PRKAR1A: variants seen among roughly 807,000 people sequenced by gnomAD.
The protein encoded by PRKAR1A is cAMP-dependent protein kinase type I-alpha regulatory subunit.
Under a neutral mutation model 52.0 loss-of-function variants are expected in PRKAR1A, and 3 were observed. That is an observed-to-expected ratio of 0.06 (90% CI 0.03 to 0.15). The LOEUF is 0.15. Ranked by LOEUF, PRKAR1A falls within the 10% of genes least tolerant of loss-of-function variation. The pLI is 1.00. For missense variants in PRKAR1A, 240 were observed against 477.4 expected (o/e 0.50, Z 4.63); for synonymous variants, 188 against 168.4 (o/e 1.12, Z -0.90).
intron 4 of PRKAR1A, 98 bp downstream of exon 4, chr17:68,523,914 G>A: frequency 2.5e-6 from 4 of 1,573,288 alleles, no homozygotes; most frequent in East Asian, 2.2e-5. Flanking sequence ...CTTAGTAATT[G>A]TTCACCAGAT....
chr17:68,420,265 C>T, the PRKAR1A span: 155 of 1,614,092 alleles, frequency 9.6e-5, no homozygotes, highest in Middle Eastern at 1.7e-4. Context: ...ACCTGGAAGA[C>T]GATACCGCAG....
At chr17:68,447,094 G>C in the PRKAR1A span, among the ~76,000 whole-genome samples, 1 of 152,084 alleles carries the variant, frequency 6.6e-6, no homozygotes, top group South Asian at 2.1e-4. Context: ...ACTTTTCTAG[G>C]TTTTATAAGC....
At chr17:68,548,259 G>C (rs898079795) in intron 11 of PRKAR1A, among the ~76,000 whole-genome samples, 2 of 151,916 alleles carry the variant, frequency 1.3e-5, no homozygotes, top group African/African-American at 4.8e-5. Flanking sequence ...GCTGGGCATG[G>C]TGGCACACGC....
chr17:68,488,202 C>A, the PRKAR1A span, among the ~76,000 whole-genome samples: 1 of 151,998 alleles, frequency 6.6e-6, no homozygotes, highest in Non-Finnish European at 1.5e-5. Flanking sequence ...GCCCTGAGAT[C>A]GAGGTGGGCC....
chr17:68,497,976 T>C, the PRKAR1A span, among the ~76,000 whole-genome samples: 1 of 152,058 alleles, frequency 6.6e-6, no homozygotes, highest in South Asian at 2.1e-4. Flanking sequence ...CCAAACTACT[T>C]AAGATGGGCT....
chr17:68,467,019 C>T, the PRKAR1A span, among the ~76,000 whole-genome samples: 12 of 152,340 alleles, frequency 7.9e-5, no homozygotes, highest in East Asian at 3.9e-4. Context: ...TCACACAATA[C>T]GTGGCCCTTT....
At chr17:68,416,790 T>TGGA in the PRKAR1A span, among the ~76,000 whole-genome samples, 4 of 151,586 alleles carry the variant, frequency 2.6e-5, no homozygotes, top group East Asian at 1.9e-4. Flanking sequence ...TTTGCATTAC[T>TGGA]AGAAGTATGT....
intron 2 of PRKAR1A, 93 bp downstream of exon 2, chr17:68,515,669 A>C: frequency 7.1e-7 from 1 of 1,406,884 alleles, no homozygotes; most frequent in Non-Finnish European, 9.8e-7. Context: ...TTGGAAGAAA[A>C]GGAATCTGAC....
the PRKAR1A span, chr17:68,420,086 T>C: frequency 3.8e-6 from 5 of 1,322,014 alleles, no homozygotes; most frequent in Non-Finnish European, 5.2e-6. Flanking sequence ...CATTTGGTTA[T>C]CTGGTATGTT....
chr17:68,550,060 G>A (rs530600340), intron 11 of PRKAR1A, among the ~76,000 whole-genome samples: 1 of 152,232 alleles, frequency 6.6e-6, no homozygotes. Context: ...TAGTGTAACC[G>A]GTTACAACGG....
the PRKAR1A span, among the ~76,000 whole-genome samples, chr17:68,475,155 T>C: frequency 1.3e-5 from 2 of 152,222 alleles, no homozygotes; most frequent in African/African-American, 4.8e-5. Flanking sequence ...ATAAAAATTC[T>C]CAGCCAGCTG....
At chr17:68,417,696 A>C in the PRKAR1A span, among the ~76,000 whole-genome samples, 1 of 135,452 alleles carries the variant, frequency 7.4e-6, no homozygotes, top group Non-Finnish European at 1.5e-5. Flanking sequence ...TTGCCCTGTG[A>C]CTTCACTTCT....
intron 9 of PRKAR1A, among the ~76,000 whole-genome samples, chr17:68,529,195 T>C (rs2085887441): frequency 6.6e-6 from 1 of 152,206 alleles, no homozygotes; most frequent in Non-Finnish European, 1.5e-5. Context: ...GGTCACTATA[T>C]TTTTAAATGA....
At chr17:68,438,623 T>C in the PRKAR1A span, among the ~76,000 whole-genome samples, 1 of 152,178 alleles carries the variant, frequency 6.6e-6, no homozygotes. Flanking sequence ...TTTTTTGAGA[T>C]GGAGTCTTAC....
intron 11 of PRKAR1A, chr17:68,543,793 A>G: frequency 7.6e-7 from 1 of 1,308,768 alleles, no homozygotes; most frequent in Non-Finnish European, 1.1e-6. Context: ...GCTGATGAGC[A>G]TGACCAGCGA....
At chr17:68,424,387 C>A in the PRKAR1A span, 1 of 527,066 alleles carries the variant, frequency 1.9e-6, no homozygotes, top group Non-Finnish European at 3.9e-6. Flanking sequence ...GCCAAATGTG[C>A]TCACTAGAGG....
At chr17:68,417,022 A>AT in the PRKAR1A span, among the ~76,000 whole-genome samples, 3 of 151,984 alleles carry the variant, frequency 2.0e-5, no homozygotes, top group Non-Finnish European at 2.9e-5. Context: ...AGCTAGTGTG[A>AT]TTTTTTGGGG....
At chr17:68,420,672 G>T in the PRKAR1A span, 5 of 613,680 alleles carry the variant, frequency 8.1e-6, no homozygotes, top group South Asian at 1.0e-4. Flanking sequence ...GGCAGGGAGT[G>T]TGCCTTAATG....
chr17:68,489,934 C>T, the PRKAR1A span, among the ~76,000 whole-genome samples: 1 of 151,934 alleles, frequency 6.6e-6, no homozygotes, highest in East Asian at 1.9e-4. Context: ...GTAATTGGTC[C>T]CTTAAGTAAT....
Sources: gnomAD v4.1 joint callset for allele counts (sites outside exome capture counted in the v4.1 genomes callset) on GRCh38, gnomAD v4.1.1 for gene constraint, MANE v1.5 for transcripts, NCBI Gene and HGNC (gene_info 2026-07-23, HGNC 2026-07-21) for gene names.